Variants in SLC12A8 observed in about 807,000 individuals in gnomAD.
SLC12A8 encodes cation-chloride cotransporter 9.
Under a neutral mutation model 75.6 loss-of-function variants are expected in SLC12A8, and 69 were observed. That is an observed-to-expected ratio of 0.91 (90% CI 0.75 to 1.11). The LOEUF is 1.11. Ranked by LOEUF, SLC12A8 falls within the 50% of genes most tolerant of loss-of-function variation. The pLI, the probability that SLC12A8 is intolerant of heterozygous loss-of-function variation, is 0.00. For synonymous variants in SLC12A8, 365 were observed against 372.8 expected (o/e 0.98, Z 0.24); for missense variants, 877 against 896.7 (o/e 0.98, Z 0.28).
chr3:125,205,057 A>G (rs1379538255), intron 2 of SLC12A8, among the ~76,000 whole-genome samples: 1 of 151,954 alleles, frequency 6.6e-6, no homozygotes, highest in Admixed American at 6.6e-5. Context: ...ATTTCTCCTG[A>G]CCCCAATCAT....
intron 2 of SLC12A8, among the ~76,000 whole-genome samples, chr3:125,201,146 C>T (rs1935112504): frequency 6.6e-6 from 1 of 152,142 alleles, no homozygotes; most frequent in Non-Finnish European, 1.5e-5. Flanking sequence ...CATTTGTAAT[C>T]CCAGTGCTTT....
At chr3:125,095,733 G>C (rs1215796425) in intron 10 of SLC12A8, among the ~76,000 whole-genome samples, 1 of 152,244 alleles carries the variant, frequency 6.6e-6, no homozygotes, top group Non-Finnish European at 1.5e-5. Context: ...CGAGGGCATA[G>C]TGAAGTCATA....
At position 125,120,609 on chromosome 3, in the gene SLC12A8, C is replaced by G; in HGVS notation, c.814G>C (p.Val272Leu). 1 of 1,613,460 alleles carries G rather than the reference C, an allele frequency of 6.2e-7. No homozygotes were observed. The highest frequency in any genetic ancestry group is 8.5e-7 in the Non-Finnish European group (1 of 1,179,662). The change falls in exon 7 of 14, where the codon GTT becomes CTT. Residue 272 changes from valine (V) to leucine (L), a missense_variant. Physicochemically the swap from Val to Leu is conservative, Grantham distance 32 (BLOSUM62 1). Transcript: ENST00000469902. ...ASIPLGSLAA[V>L]GISWFLYIIF... ...ATGAGGGGAACTTACGAGATGCCAA[C>G]AGCTGCCAGGGAGCCCAGGGGAATG...
At position 125,135,770 on chromosome 3, in the gene SLC12A8, A is replaced by G. The variant is rs747041927; in HGVS notation, c.635T>C (p.Ile212Thr). 10 of 1,600,956 alleles carry G rather than the reference A, an allele frequency of 6.2e-6. No homozygotes were observed. Among genetic ancestry groups the G allele is most frequent in the Admixed American group, 1.7e-5 (1 of 58,140 alleles). ...CTGTAGCAGTTCGGGTGAATATCCA[A>G]TGAAACCATGTTCTGAAATAAAGCA... The part of the protein sequence containing the change: ...FTHLDPEHGF[I>T]GYSPELLQNN... Residue 212 changes from isoleucine to threonine, a missense_variant, in exon 6 of 14, where the codon ATT becomes ACT. Transcript: ENST00000469902.
chr3:125,118,857 C>G lies in SLC12A8; in HGVS notation c.825-1G>C. On this transcript the variant is annotated splice_acceptor_variant, in intron 7 of 13. Transcript: ENST00000469902. LOFTEE classifies it high-confidence loss of function. Reference sequence around the variant, plus strand: ...GACGAAGATGATGTACAGAAACCACCTGCAAAACCCAAGAGCAGAACAGAG... The same window carrying G: ...GACGAAGATGATGTACAGAAACCACGTGCAAAACCCAAGAGCAGAACAGAG... 1 of 1,610,240 alleles carries G rather than the reference C, an allele frequency of 6.2e-7. No homozygotes were observed. The highest frequency in any genetic ancestry group is 8.5e-7 in the Non-Finnish European group (1 of 1,176,674).
chr3:125,153,621 A>G (rs1162381395), intron 5 of SLC12A8, among the ~76,000 whole-genome samples: 1 of 128,254 alleles, frequency 7.8e-6, no homozygotes, highest in Non-Finnish European at 1.7e-5. Context: ...GAGATAATGA[A>G]ATTTATGTAT....
chr3:125,155,800 T>A (rs1035382598), intron 5 of SLC12A8, among the ~76,000 whole-genome samples: 8 of 95,386 alleles, frequency 8.4e-5, no homozygotes, highest in African/African-American at 1.3e-4. Flanking sequence ...AAGAGCAGGG[T>A]AACAGTTGAT....
intron 9 of SLC12A8, among the ~76,000 whole-genome samples, chr3:125,108,895 C>T (rs993015121): frequency 3.3e-5 from 5 of 152,138 alleles, no homozygotes. Flanking sequence ...CAAATACTCA[C>T]ACACACACAT....
chr3:125,200,188 C>G (rs183667729), intron 2 of SLC12A8, among the ~76,000 whole-genome samples: 1 of 152,276 alleles, frequency 6.6e-6, no homozygotes, highest in African/African-American at 2.4e-5. Context: ...GTGGCTCACA[C>G]CAGTAATCCC....
chr3:125,211,762 CAGG>C (rs919281706), intron 1 of SLC12A8, among the ~76,000 whole-genome samples: 9 of 152,190 alleles, frequency 5.9e-5, no homozygotes, highest in Admixed American at 2.0e-4. Context: ...CCCCTCTCTC[CAGG>C]AGGAGGGCAT....
At chr3:125,143,425 C>A (rs147577454) in intron 5 of SLC12A8, among the ~76,000 whole-genome samples, 420 of 152,342 alleles carry the variant, frequency 2.8e-3, no homozygotes, top group African/African-American at 9.1e-3. Context: ...GAGTCCTGGG[C>A]GTGAGCCTGG....
chr3:125,205,246 C>A (rs1005539407), intron 2 of SLC12A8, among the ~76,000 whole-genome samples: 5 of 152,194 alleles, frequency 3.3e-5, no homozygotes, highest in Non-Finnish European at 4.4e-5. Context: ...TTCCCTGTGA[C>A]CCTGCGTGGC....
chr3:125,188,126 T>C (rs994405509), intron 3 of SLC12A8, among the ~76,000 whole-genome samples: 1 of 152,174 alleles, frequency 6.6e-6, no homozygotes, highest in Non-Finnish European at 1.5e-5. Flanking sequence ...CCCTCGTGAA[T>C]GGCTTGGTGT....
chr3:125,130,778 C>T (rs1933335527), intron 6 of SLC12A8, among the ~76,000 whole-genome samples: 2 of 151,834 alleles, frequency 1.3e-5, no homozygotes, highest in African/African-American at 4.9e-5. Context: ...AGGCTCACCG[C>T]CCCCTTCCCC....
chr3:125,202,482 C>A (rs1165027477), intron 2 of SLC12A8, among the ~76,000 whole-genome samples: 2 of 152,152 alleles, frequency 1.3e-5, no homozygotes, highest in Non-Finnish European at 2.9e-5. Context: ...AGCATCTAGG[C>A]TTTCCTTGCA....
intron 8 of SLC12A8, among the ~76,000 whole-genome samples, chr3:125,114,952 G>C (rs989278192): frequency 5.3e-5 from 8 of 152,140 alleles, no homozygotes; most frequent in Non-Finnish European, 1.0e-4. Context: ...TACTGAGATT[G>C]ACTGTTCTGG....
intron 6 of SLC12A8, among the ~76,000 whole-genome samples, chr3:125,129,531 C>T (rs1017574588): frequency 3.3e-5 from 5 of 152,152 alleles, no homozygotes; most frequent in East Asian, 1.9e-4. Context: ...AATCTCCAGC[C>T]GCTCTTCCCA....
intron 6 of SLC12A8, among the ~76,000 whole-genome samples, chr3:125,134,697 G>C (rs1933444146): frequency 6.6e-6 from 1 of 152,304 alleles, no homozygotes; most frequent in African/African-American, 2.4e-5. Context: ...TGAGGGTTCT[G>C]GTGTCTCCAC....
At chr3:125,155,086 G>A (rs1934018313) in intron 5 of SLC12A8, 1 of 152,176 alleles carries the variant, frequency 6.6e-6, no homozygotes, top group Non-Finnish European at 1.5e-5. Flanking sequence ...AGAATGGCGG[G>A]CAATTTAAAA....
Sources: allele counts gnomAD v4.1 joint callset (sites outside exome capture counted in the v4.1 genomes callset), GRCh38; gene constraint gnomAD v4.1.1; transcripts MANE v1.5; gene names NCBI Gene and HGNC (gene_info 2026-07-23, HGNC 2026-07-21).